The following CYP2S1 variants were observed in gnomAD, a reference collection of about 807,000 sequenced individuals.
The protein encoded by CYP2S1 is cytochrome P450 2S1.
In CYP2S1, 32 loss-of-function variants were observed where a neutral mutation model predicts 43.5. That is an observed-to-expected ratio of 0.74 (90% CI 0.56 to 0.99). The LOEUF (loss-of-function observed/expected upper bound fraction) is 0.99. CYP2S1 is among the 50% of genes least tolerant of loss of function. The pLI, the probability that CYP2S1 is intolerant of heterozygous loss-of-function variation, is 0.00. For synonymous variants in CYP2S1, 283 were observed against 302.9 expected, an observed-to-expected ratio of 0.93 and a Z score of 0.68; for missense variants, 575 against 673.9, an observed-to-expected ratio of 0.85 and a Z score of 1.62.
chr19:41,206,927 G>A lies in CYP2S1; in HGVS notation c.*439G>A. 5.0e-6 allele frequency: 2 copies of A among 400,164 alleles called. No individual in the cohort carries two copies. The highest frequency in any genetic ancestry group is 3.7e-5 in the South Asian group (2 of 54,054). 24.8% of individuals were successfully genotyped at this position (400,164 alleles called of 1,614,324 possible). On this transcript the variant is annotated 3_prime_UTR_variant, in exon 9 of 9. Transcript: ENST00000310054. ...GTCCCTGTCCCTGGTGCCTGGCACA[G>A]GGAACAGCATGCCCCCTCCGGGGTC... is the stretch of plus-strand genomic sequence containing the variant.
At chr19:41,204,729 C>G (rs2033541008) in intron 7 of CYP2S1, among the ~76,000 whole-genome samples, 1 of 151,486 alleles carries the variant, frequency 6.6e-6, no homozygotes, top group Non-Finnish European at 1.5e-5. Context: ...TCCTGGGTAG[C>G]TGGGATTACA....
chr19:41,207,024 GCCT>G lies in CYP2S1; in HGVS notation c.*537_*539del. 3.6e-5 allele frequency: 9 copies of G among 252,964 alleles called. No individual in the cohort carries two copies. The highest frequency in any genetic ancestry group is 1.5e-3 in the Middle Eastern group (1 of 670). The allele number at this position is 252,964 out of a possible 1,614,324, so 15.7% of individuals were successfully genotyped here. ...CTCTCTTGGCTACACCACTCTCCCAGCCTGTGACCACCGATGTCCACACACCCC... is the reference window on the plus strand; with the variant it reads ...CTCTCTTGGCTACACCACTCTCCCAGGTGACCACCGATGTCCACACACCCC... On this transcript the variant is annotated 3_prime_UTR_variant, in exon 9 of 9. Transcript: ENST00000310054.
intron 7 of CYP2S1, among the ~76,000 whole-genome samples, chr19:41,204,247 C>G (rs1176209834): frequency 1.3e-5 from 2 of 152,130 alleles, no homozygotes. Flanking sequence ...CCCATCTGCC[C>G]CACAGATCTC....
At chr19:41,203,261 G>A (rs1329550952) in intron 6 of CYP2S1, among the ~76,000 whole-genome samples, 189 bp from the exon 7 acceptor site, 1 of 152,022 alleles carries the variant, frequency 6.6e-6, no homozygotes, top group Non-Finnish European at 1.5e-5. Context: ...TAAAATAAGA[G>A]AGAGAGAAGA....
At chr19:41,193,923 T>A (rs1310993237) in intron 1 of CYP2S1, 1 of 155,166 alleles carries the variant, frequency 6.4e-6, no homozygotes, top group African/African-American at 2.4e-5. Flanking sequence ...GGGGTCCCGC[T>A]GAAGGAATCT....
Position 41,194,563 on chromosome 19 carries a change from C to T in CYP2S1, c.197C>T (p.Pro66Leu), listed in dbSNP as rs62119652. Residue 66 changes from proline to leucine, a missense_variant, in exon 2 of 9, where the codon CCG (proline) becomes CTG (leucine). Coordinates refer to ENST00000310054, the MANE Select transcript of CYP2S1 (RefSeq NM_030622.8). ...GLMRLSKKYG[P>L]VFTIYLGPWR... is the part of the protein sequence containing the mutation. ...CCCCAGCTGAGTAAGAAGTACGGAC[C>T]GGTGTTCACCATCTACCTGGGACCC... 91 of 1,599,896 alleles carry T rather than the reference C, an allele frequency of 5.7e-5. No individual in the cohort carries two copies. The highest frequency in any genetic ancestry group is 7.2e-5 in the Non-Finnish European group (85 of 1,175,082).
At position 41,197,886 on chromosome 19, in the gene CYP2S1, G is replaced by A; in HGVS notation, c.451G>A (p.Ala151Thr). Residue 151 changes from alanine to threonine, a missense_variant, in exon 3 of 9, where the codon GCG (alanine) becomes ACG (threonine). This residue lies in a region of CYP2S1 where 353 missense variants were observed against 367.6 expected (regional missense o/e 0.96). Transcript: ENST00000310054. The part of the protein sequence containing the change: ...GKREGEELIQ[A>T]EARCLVETFQ... ...GCGAGAAGGCGAGGAGCTGATCCAG[G>A]CGGAGGCCCGGTGTCTGGTGGAGAC... The A allele has an allele frequency of 6.2e-7, 1 of 1,614,048 alleles. No homozygotes were observed. Among genetic ancestry groups the A allele is most frequent in the Non-Finnish European group, 8.5e-7 (1 of 1,180,000 alleles).
rs1215902430 is a variant in CYP2S1 at position 41,198,444 on chromosome 19, T to C, written c.494-18T>C. ...CTGGCTCCATCACAGCCTACCTCCC[T>C]GCCCCCATTCCCCCCAGGACGCCCA... On this transcript the variant is annotated intron_variant, in intron 3 of 8. Coordinates refer to ENST00000310054, the MANE Select transcript of CYP2S1 (RefSeq NM_030622.8). The surrounding 1 kb of genome is among the most constrained non-coding windows in gnomAD (Gnocchi z 4.9). The C allele has an allele frequency of 1.2e-6, 2 of 1,612,442 alleles. No individual in the cohort carries two copies. The highest frequency in any genetic ancestry group is 1.7e-6 in the Non-Finnish European group (2 of 1,179,190).
chr19:41,195,664 ACT>A, intron 2 of CYP2S1, among the ~76,000 whole-genome samples: 1 of 152,136 alleles, frequency 6.6e-6, no homozygotes, highest in Non-Finnish European at 1.5e-5. Flanking sequence ...CGGAGCTGAG[ACT>A]CATAAGATGA....
At chr19:41,201,880 G>A (rs2033493988) in intron 6 of CYP2S1, among the ~76,000 whole-genome samples, 2 of 152,092 alleles carry the variant, frequency 1.3e-5, no homozygotes, top group African/African-American at 4.8e-5. Flanking sequence ...GTGTCTGTGG[G>A]CCTCATCGCC....
chr19:41,203,307 T>C (rs559324907), intron 6 of CYP2S1, 143 bp from the exon 7 acceptor site: 24 of 718,182 alleles, frequency 3.3e-5, no homozygotes, highest in Non-Finnish European at 4.0e-5. Flanking sequence ...TGTGTGGTCT[T>C]TGGGCTCAGT....
At position 41,198,897 on chromosome 19, in the gene CYP2S1, AG is replaced by A. The variant is rs767077922; in HGVS notation, c.834+12del. On this transcript the variant is annotated intron_variant, in intron 5 of 8. Transcript: ENST00000310054. The surrounding 1 kb of genome is among the most constrained non-coding windows in gnomAD (Gnocchi z 4.9). ...TGCTGAAGATGGCACAGGTGTGGGA[AG>A]GGTGCAGGGACCCCCTCTCTGAATG... The A allele has an allele frequency of 6.2e-7, 1 of 1,606,768 alleles. No homozygotes were observed. The highest frequency in any genetic ancestry group is 8.5e-7 in the Non-Finnish European group (1 of 1,174,752).
chr19:41,194,030 C>T (rs117191208), intron 1 of CYP2S1, among the ~76,000 whole-genome samples: 1 of 152,122 alleles, frequency 6.6e-6, no homozygotes, highest in Non-Finnish European at 1.5e-5. Context: ...CAGAGGCAGC[C>T]CCAGCCTTAG....
intron 2 of CYP2S1, among the ~76,000 whole-genome samples, chr19:41,196,630 G>A (rs2122154038): frequency 6.6e-6 from 1 of 152,142 alleles, no homozygotes; most frequent in African/African-American, 2.4e-5. Context: ...GGAGAGGAGA[G>A]ATGCTTAGGC....
Position 41,193,248 on chromosome 19 carries a change from G to A in CYP2S1, c.-17G>A. ...GCGCGGAGCGCCTGGGAGAGGAGAA[G>A]GAGCCGACCTGCCGAGATGGAGGCG... On this transcript the variant is annotated 5_prime_UTR_variant, in exon 1 of 9. Transcript: ENST00000310054. 2.0e-6 allele frequency: 3 copies of A among 1,526,956 alleles called. No homozygotes were observed. The highest frequency in any genetic ancestry group is 2.4e-5 in the South Asian group (2 of 83,168). The allele number at this position is 1,526,956 out of a possible 1,614,324, so 94.6% of individuals were successfully genotyped here. A position where few individuals can be genotyped will look rare whatever the true frequency, so the allele number is the denominator to read the frequency against.
In CYP2S1 at chr19:41,201,261, A is replaced by G. The variant is rs1213225229; in HGVS notation, c.865A>G (p.Asn289Asp). Reference sequence around the variant, plus strand: ...ACAAAACCCAGGCACAGAATTCACCAACAAGAACATGCTGATGACAGTCAT... The same window carrying G: ...ACAAAACCCAGGCACAGAATTCACCGACAAGAACATGCTGATGACAGTCAT... ...EEQNPGTEFT[N>D]KNMLMTVIYL... is the part of the protein sequence containing the mutation. Residue 289 changes from asparagine to aspartate, a missense_variant, in exon 6 of 9, where the codon AAC (asparagine) becomes GAC (aspartate). This residue lies in a region of CYP2S1 where 222 missense variants were observed against 306.3 expected (regional missense o/e 0.72). Coordinates refer to ENST00000310054, the MANE Select transcript of CYP2S1 (RefSeq NM_030622.8). 1.9e-6 allele frequency: 3 copies of G among 1,614,158 alleles called. No homozygotes were observed. Among genetic ancestry groups the G allele is most frequent in the Non-Finnish European group, 8.5e-7 (1 of 1,180,010 alleles).
At chr19:41,205,050 C>G (rs373151423) in intron 7 of CYP2S1, among the ~76,000 whole-genome samples, 1 of 152,124 alleles carries the variant, frequency 6.6e-6, no homozygotes, top group African/African-American at 2.4e-5. Flanking sequence ...TCTTGGGAAC[C>G]GGTCCTGTGT....
At position 41,193,348 on chromosome 19, in the gene CYP2S1, C is replaced by T. The variant is rs1293763150; in HGVS notation, c.84C>T (p.Ala28=). The change falls in exon 1 of 9, where the codon GCC becomes GCT. Residue 28 remains alanine, a synonymous_variant. Coordinates refer to ENST00000310054, the MANE Select transcript of CYP2S1 (RefSeq NM_030622.8). ...LLTLALSGTR[A]RGHLPPGPTP... is the part of the protein sequence containing the mutation. ...CGCTGGCGCTGTCCGGGACCAGGGC[C>T]CGAGGCCACCTGCCCCCCGGGCCCA... 5.9e-6 allele frequency: 9 copies of T among 1,535,516 alleles called. No homozygotes were observed. Among genetic ancestry groups the T allele is most frequent in the Non-Finnish European group, 7.9e-6 (9 of 1,140,998 alleles).
At chr19:41,199,591 C>T (rs181332532) in intron 5 of CYP2S1, among the ~76,000 whole-genome samples, 4 of 151,864 alleles carry the variant, frequency 2.6e-5, no homozygotes, top group African/African-American at 9.7e-5. Context: ...ACTATGTTAC[C>T]CAGGCTGGTC....
Sources: gnomAD v4.1 joint callset for allele counts (sites outside exome capture counted in the v4.1 genomes callset) on GRCh38, gnomAD v4.1.1 for gene constraint, gnomAD v4.1.1 regional missense constraint, Gnocchi (gnomAD v3.1) non-coding constraint, MANE v1.5 for transcripts, NCBI Gene and HGNC (gene_info 2026-07-23, HGNC 2026-07-21) for gene names.